STRIP2: variants seen among roughly 807,000 people sequenced by gnomAD.
STRIP2 encodes the protein striatin-interacting protein 2.
Under a neutral mutation model 107.1 loss-of-function variants are expected in STRIP2, and 84 were observed. That is an observed-to-expected ratio of 0.78 (90% CI 0.66 to 0.94). The LOEUF (loss-of-function observed/expected upper bound fraction) is 0.94, where lower values mean the gene tolerates loss of function less well. STRIP2 is among the 40% of genes least tolerant of loss of function. The pLI is 0.00. For missense variants in STRIP2, 888 were observed against 1,034.2 expected, an observed-to-expected ratio of 0.86 and a Z score of 1.94; for synonymous variants, 394 against 400.4, an observed-to-expected ratio of 0.98 and a Z score of 0.19.
chr7:129,482,456 C>A (rs951330324), intron 19 of STRIP2, among the ~76,000 whole-genome samples: 5 of 147,118 alleles, frequency 3.4e-5, no homozygotes, highest in Non-Finnish European at 7.4e-5. Flanking sequence ...CAGCTCACTG[C>A]AACCTCCGCC....
intron 18 of STRIP2, among the ~76,000 whole-genome samples, chr7:129,471,177 A>G (rs1382999436): frequency 6.6e-6 from 1 of 152,148 alleles, no homozygotes; most frequent in African/African-American, 2.4e-5. Flanking sequence ...GCAAAAGTCT[A>G]TATAGCCACA....
chr7:129,481,431 A>G (rs1419275209), intron 19 of STRIP2, among the ~76,000 whole-genome samples: 3 of 151,994 alleles, frequency 2.0e-5, no homozygotes, highest in African/African-American at 7.3e-5. Flanking sequence ...TGGGAGGCAG[A>G]GGTTTCAGTG....
intron 1 of STRIP2, among the ~76,000 whole-genome samples, chr7:129,437,529 TG>T (rs1341525619): frequency 1.3e-5 from 2 of 151,470 alleles, no homozygotes; most frequent in Admixed American, 6.6e-5. Flanking sequence ...TTCCAGTTTG[TG>T]TGTGTGTGTG....
intron 18 of STRIP2, among the ~76,000 whole-genome samples, chr7:129,478,646 C>T (rs1323534938): frequency 6.6e-6 from 1 of 152,212 alleles, no homozygotes; most frequent in East Asian, 1.9e-4. Flanking sequence ...CAGTTCTTTT[C>T]AACTGGAGAA....
intron 18 of STRIP2, 69 bp from the exon 19 acceptor site, chr7:129,480,716 A>G (rs1242065989): frequency 7.5e-7 from 1 of 1,337,932 alleles, no homozygotes; most frequent in Non-Finnish European, 1.0e-6. Flanking sequence ...ACCAACATTG[A>G]CTTCCAGGCT....
Position 129,462,949 on chromosome 7 carries a change from T to C in STRIP2, c.1477-17T>C, listed in dbSNP as rs781438815. 2.5e-5 allele frequency: 40 copies of C among 1,611,530 alleles called. No individual in the cohort carries two copies. The highest frequency in any genetic ancestry group is 3.4e-5 in the Non-Finnish European group (40 of 1,178,294). ...CCTGGAAAGTGGCATTGCCAAACCA[T>C]GTATTTCTTGCCATAGGGGGAAGAG... is the stretch of plus-strand genomic sequence containing the variant. On this transcript the variant is annotated splice_polypyrimidine_tract_variant and intron_variant, in intron 13 of 20. Coordinates refer to ENST00000249344, the MANE Select transcript of STRIP2 (RefSeq NM_020704.3).
intron 2 of STRIP2, among the ~76,000 whole-genome samples, chr7:129,443,033 C>A (rs1033967215): frequency 1.4e-5 from 2 of 143,712 alleles, no homozygotes; most frequent in African/African-American, 5.0e-5. Context: ...TTCTTTTCTT[C>A]TTTCTTTCTT....
At chr7:129,465,810 G>GA (rs1798657329) in intron 16 of STRIP2, among the ~76,000 whole-genome samples, 1 of 152,060 alleles carries the variant, frequency 6.6e-6, no homozygotes, top group Admixed American at 6.5e-5. Context: ...AGACCACAGG[G>GA]AAAAAAGGAA....
chr7:129,457,999 C>T, intron 9 of STRIP2: 1 of 595,576 alleles, frequency 1.7e-6, no homozygotes, highest in Non-Finnish European at 3.1e-6. Flanking sequence ...ATGCTATGTT[C>T]CCTGGCTAAT....
At chr7:129,439,356 G>T (rs1002678052) in intron 1 of STRIP2, among the ~76,000 whole-genome samples, 7 of 152,282 alleles carry the variant, frequency 4.6e-5, no homozygotes, top group African/African-American at 1.7e-4. Flanking sequence ...AGCTGAGATT[G>T]AAAATTTTAA....
At chr7:129,479,001 G>A (rs914835631) in intron 18 of STRIP2, among the ~76,000 whole-genome samples, 12 of 152,138 alleles carry the variant, frequency 7.9e-5, no homozygotes, top group East Asian at 5.8e-4. Flanking sequence ...CTGTTCGGGC[G>A]CGGTGGCTCA....
chr7:129,439,580 A>C (rs983140081), intron 1 of STRIP2, among the ~76,000 whole-genome samples: 4 of 152,198 alleles, frequency 2.6e-5, no homozygotes, highest in African/African-American at 9.6e-5. Flanking sequence ...CTCTTTAAAA[A>C]TAAGGAACTA....
At chr7:129,470,146 CT>C (rs1221055277) in intron 17 of STRIP2, among the ~76,000 whole-genome samples, 1 of 152,202 alleles carries the variant, frequency 6.6e-6, no homozygotes, top group Non-Finnish European at 1.5e-5. Context: ...GAAACTGCCC[CT>C]GTCTCAAGCT....
intron 17 of STRIP2, among the ~76,000 whole-genome samples, chr7:129,467,847 C>T (rs1584959586): frequency 6.6e-6 from 1 of 151,954 alleles, no homozygotes; most frequent in South Asian, 2.1e-4. Context: ...ATGTATTATA[C>T]AAAATTTGTA....
intron 18 of STRIP2, among the ~76,000 whole-genome samples, chr7:129,476,914 T>C (rs1798970945): frequency 6.6e-6 from 1 of 151,706 alleles, no homozygotes; most frequent in Non-Finnish European, 1.5e-5. Flanking sequence ...AGACTCCGTC[T>C]GCAATCCCGG....
chr7:129,485,895 C>T lies in STRIP2; in HGVS notation c.*66C>T. 9 of 1,580,236 alleles carry T rather than the reference C, an allele frequency of 5.7e-6. No homozygotes were observed. The highest frequency in any genetic ancestry group is 6.9e-6 in the Non-Finnish European group (8 of 1,159,708). ...TCCAATAAACTGTGCTCTGCCTACC[C>T]TGTCCATACAGGCGCTGTTACCAGT... On this transcript the variant is annotated 3_prime_UTR_variant, in exon 21 of 21. Coordinates refer to ENST00000249344, the MANE Select transcript of STRIP2 (RefSeq NM_020704.3).
chr7:129,446,662 T>G (rs558701214), intron 3 of STRIP2, among the ~76,000 whole-genome samples: 2 of 152,236 alleles, frequency 1.3e-5, no homozygotes, highest in African/African-American at 4.8e-5. Context: ...TGTCAACTTA[T>G]AGGGAGCTCC....
chr7:129,445,084 A>G (rs922457801), intron 3 of STRIP2, among the ~76,000 whole-genome samples: 8 of 152,046 alleles, frequency 5.3e-5, no homozygotes, highest in Admixed American at 3.9e-4. Context: ...TGGTGGAGTA[A>G]TCCAAACCTT....
intron 11 of STRIP2, 142 bp from the exon 12 acceptor site, chr7:129,459,375 C>T (rs1562905795): frequency 1.9e-5 from 13 of 691,626 alleles, no homozygotes; most frequent in Middle Eastern, 2.5e-4. Context: ...GTGGGACCTA[C>T]GAGCTTGCAG....
Sources: allele counts gnomAD v4.1 joint callset (sites outside exome capture counted in the v4.1 genomes callset), GRCh38; gene constraint gnomAD v4.1.1; transcripts MANE v1.5; gene names NCBI Gene and HGNC (gene_info 2026-07-23, HGNC 2026-07-21).